Variants in KCNQ1 observed in about 807,000 individuals in gnomAD.
KCNQ1 encodes potassium voltage-gated channel subfamily Q member 1, also known as potassium voltage-gated channel subfamily KQT member 1.
In KCNQ1, 49 loss-of-function variants were observed where a neutral mutation model predicts 72.4. The observed-to-expected ratio is 0.68, with a 90% CI of 0.54 to 0.86. The LOEUF is 0.86. Ranked by LOEUF, KCNQ1 falls within the 40% of genes least tolerant of loss-of-function variation. The pLI is 0.00. For missense variants in KCNQ1, 790 were observed against 945.1 expected (o/e 0.84, Z 2.15); for synonymous variants, 450 against 412.6 (o/e 1.09, Z -1.10).
intron 15 of KCNQ1, among the ~76,000 whole-genome samples, chr11:2,806,522 A>G (rs1847377586): frequency 2.6e-5 from 4 of 152,034 alleles, no homozygotes; most frequent in African/African-American, 9.7e-5. Flanking sequence ...CCTCTTCCTT[A>G]CCCCGGTTGT....
rs1318020339 is a variant in KCNQ1, at chr11:2,669,282, T to C, written c.1514+7201T>C. On this transcript the variant is annotated intron_variant, in intron 11 of 15. Coordinates refer to ENST00000155840, the MANE Select transcript of KCNQ1 (RefSeq NM_000218.3). This position sits in a 1 kb window ranked among gnomAD's most constrained non-coding sequence, Gnocchi z 5.6. ...CACTGGCTTTGCTGTCTTTGCAGGGTTTCTCCTCACCATACATATGCCAGT... is the reference window on the plus strand; with the variant it reads ...CACTGGCTTTGCTGTCTTTGCAGGGCTTCTCCTCACCATACATATGCCAGT... 3.3e-5 allele frequency: 13 copies of C among 398,542 alleles called. No homozygotes were observed. Among genetic ancestry groups the C allele is most frequent in the Non-Finnish European group, 5.7e-5 (13 of 226,116 alleles). The allele number at this position is 398,542 out of a possible 1,614,324, so 24.7% of individuals were successfully genotyped here.
chr11:2,655,398 G>T (rs139562122), intron 10 of KCNQ1: 57 of 398,658 alleles, frequency 1.4e-4, no homozygotes, highest in Admixed American at 5.7e-4. Flanking sequence ...TTGTCACCAG[G>T]ATGCTGTGCT....
rs915485210 is a variant in KCNQ1 at position 2,792,750 on chromosome 11, A to G, written c.1794+14713A>G. Among the ~76,000 whole-genome samples, 5 of 152,260 alleles carry G rather than the reference A, an allele frequency of 3.3e-5. No homozygotes were observed. The South Asian group carries it at 8.3e-4, about 25-fold the overall frequency. ...GCGCAGACCACCCTGTGAGGCCTCAATTAGAGGAGATGGGGGCTTGGGGCC... is the reference window on the plus strand; with the variant it reads ...GCGCAGACCACCCTGTGAGGCCTCAGTTAGAGGAGATGGGGGCTTGGGGCC... On this transcript the variant is annotated intron_variant, in intron 15 of 15. Coordinates refer to ENST00000155840, the MANE Select transcript of KCNQ1 (RefSeq NM_000218.3).
At chr11:2,533,159 G>C (rs564168401) in intron 2 of KCNQ1, among the ~76,000 whole-genome samples, 170 of 152,364 alleles carry the variant, frequency 1.1e-3, no homozygotes, top group Non-Finnish European at 1.8e-3. Flanking sequence ...GGGAGCCCCT[G>C]TTTTCTCGTT....
intron 1 of KCNQ1, chr11:2,461,606 C>G (rs1429955492): frequency 1.5e-6 from 2 of 1,362,192 alleles, no homozygotes; most frequent in Non-Finnish European, 2.0e-6. Flanking sequence ...GGCCCCTGCT[C>G]TCACCCACAA....
intron 1 of KCNQ1, among the ~76,000 whole-genome samples, chr11:2,460,265 C>T (rs1014361462): frequency 5.3e-5 from 8 of 152,206 alleles, no homozygotes; most frequent in Non-Finnish European, 7.4e-5. Context: ...GGCTGCAGGG[C>T]GGCGGAGCCT....
chr11:2,716,285 G>A (rs888063307), intron 11 of KCNQ1, among the ~76,000 whole-genome samples: 1 of 152,098 alleles, frequency 6.6e-6, no homozygotes. Context: ...AAGCTGAAGC[G>A]CCCACACCTA....
At chr11:2,529,794 C>A (rs757130180) in intron 2 of KCNQ1, among the ~76,000 whole-genome samples, 13 of 152,140 alleles carry the variant, frequency 8.5e-5, no homozygotes, top group Non-Finnish European at 1.5e-4. Flanking sequence ...GGGGGTGGTA[C>A]CTGCGGCCAG....
intron 11 of KCNQ1, chr11:2,672,939 G>A (rs1214510825): frequency 2.5e-6 from 1 of 398,596 alleles, no homozygotes; most frequent in Non-Finnish European, 4.4e-6. Context: ...CCCACCACAG[G>A]TGGCAAGGAA....
chr11:2,797,940 G>A (rs1314994349), intron 15 of KCNQ1, among the ~76,000 whole-genome samples: 2 of 152,186 alleles, frequency 1.3e-5, no homozygotes, highest in Non-Finnish European at 2.9e-5. Flanking sequence ...AGGCTGCTCA[G>A]GGTCATGGCC....
In KCNQ1 at chr11:2,507,526, G is replaced by C. The variant is rs1847125742; in HGVS notation, c.387-20402G>C. On this transcript the variant is annotated intron_variant, in intron 1 of 15. Transcript: ENST00000155840. This position sits in a 1 kb window ranked among gnomAD's most constrained non-coding sequence, Gnocchi z 5.4. ...AGCGGGAGGAAGAGAAAAGGATGCTGCTGGGACCCCTCGCACCTGGGAGGA... is the reference window on the plus strand; with the variant it reads ...AGCGGGAGGAAGAGAAAAGGATGCTCCTGGGACCCCTCGCACCTGGGAGGA... Among the ~76,000 whole-genome samples, 1 of 152,196 alleles carries C rather than the reference G, an allele frequency of 6.6e-6. No homozygotes were observed. The highest frequency in any genetic ancestry group is 2.1e-4 in the South Asian group (1 of 4,826).
intron 9 of KCNQ1, 46 bp downstream of exon 9, chr11:2,587,738 G>A (rs1373424409): frequency 6.2e-6 from 10 of 1,612,808 alleles, no homozygotes; most frequent in Admixed American, 1.7e-5. Flanking sequence ...TTGCTAGCAG[G>A]TGGGGAGGCC....
At chr11:2,751,827 T>G (rs931982008) in intron 11 of KCNQ1, among the ~76,000 whole-genome samples, 2 of 152,266 alleles carry the variant, frequency 1.3e-5, no homozygotes, top group Non-Finnish European at 2.9e-5. Context: ...TCCCACTGGC[T>G]CAGGGTGAGG....
rs1231170131 is a variant in KCNQ1, at chr11:2,724,597, C to T, written c.1515-44247C>T. On this transcript the variant is annotated intron_variant, in intron 11 of 15. Coordinates refer to ENST00000155840, the MANE Select transcript of KCNQ1 (RefSeq NM_000218.3). The surrounding 1 kb of genome is among the most constrained non-coding windows in gnomAD (Gnocchi z 6.8). ...CACTAGGAACCCCTTCCCGCGGAAA[C>T]ACAGCTTCTCCCCTTGGGTGCCATT... Among the ~76,000 whole-genome samples, 1 of 152,224 alleles carries T rather than the reference C, an allele frequency of 6.6e-6. No homozygotes were observed. The highest frequency in any genetic ancestry group is 2.4e-5 in the African/African-American group (1 of 41,454).
rs533551565 is a variant in KCNQ1, at chr11:2,602,283, A to G, written c.1393+13429A>G. 1.8e-4 allele frequency among the ~76,000 whole-genome samples: 27 copies of G among 152,268 alleles called. No homozygotes were observed. The highest frequency in any genetic ancestry group is 2.4e-4 in the African/African-American group (10 of 41,558). The stretch of plus-strand genomic sequence containing the variant: ...TCTGGCCTCTAGAACTGTGAGAAAA[A>G]AAAAAAAAGCGTGTCTTGTTTTAAG... On this transcript the variant is annotated intron_variant, in intron 10 of 15. Coordinates refer to ENST00000155840, the MANE Select transcript of KCNQ1 (RefSeq NM_000218.3). The surrounding 1 kb of genome is among the most constrained non-coding windows in gnomAD (Gnocchi z 4.8).
chr11:2,796,065 C>T (rs1034372746), intron 15 of KCNQ1, among the ~76,000 whole-genome samples: 3 of 152,210 alleles, frequency 2.0e-5, no homozygotes, highest in African/African-American at 4.8e-5. Context: ...GCTTGGTGCC[C>T]GTTAAGTACT....
rs117591427 is a variant in KCNQ1, at chr11:2,759,453, A to C, written c.1515-9391A>C. 0.017 allele frequency among the ~76,000 whole-genome samples: 2,555 copies of C among 152,276 alleles called. 115 individuals are homozygous for C. The highest frequency in any genetic ancestry group is 0.14 in the East Asian group (700 of 5,170). ...GGTCCCCAGGGGATGTTCCTTCCCC[A>C]AGGCGCTGTGGCCACTTAGAGGGTC... On this transcript the variant is annotated intron_variant, in intron 11 of 15. Transcript: ENST00000155840. This position sits in a 1 kb window ranked among gnomAD's most constrained non-coding sequence, Gnocchi z 4.4.
At position 2,787,447 on chromosome 11, in the gene KCNQ1, G is replaced by A. The variant is rs562107046; in HGVS notation, c.1794+9410G>A. The stretch of plus-strand genomic sequence containing the variant: ...CTTCAGGGCCCCTATTACCTCTGGG[G>A]TTCCACTTTCACTGAGTTTTCAGCC... On this transcript the variant is annotated intron_variant, in intron 15 of 15. Transcript: ENST00000155840. The surrounding 1 kb of genome is among the most constrained non-coding windows in gnomAD (Gnocchi z 6.3). Among the ~76,000 whole-genome samples, 1 of 152,102 alleles carries A rather than the reference G, an allele frequency of 6.6e-6. No individual in the cohort carries two copies. Among genetic ancestry groups the A allele is most frequent in the Non-Finnish European group, 1.5e-5 (1 of 68,020 alleles).
chr11:2,535,538 C>G (rs1847715216), intron 2 of KCNQ1, among the ~76,000 whole-genome samples: 1 of 152,200 alleles, frequency 6.6e-6, no homozygotes, highest in Non-Finnish European at 1.5e-5. Context: ...CCTGCCTTCC[C>G]CTTTAGTGAC....
Sources: gnomAD v4.1 joint callset for allele counts (sites outside exome capture counted in the v4.1 genomes callset) on GRCh38, gnomAD v4.1.1 for gene constraint, Gnocchi (gnomAD v3.1) non-coding constraint, MANE v1.5 for transcripts, NCBI Gene and HGNC (gene_info 2026-07-23, HGNC 2026-07-21) for gene names.